HIVEP1: variants seen among roughly 807,000 people sequenced by gnomAD.
The protein encoded by HIVEP1 is HIVEP zinc finger 1.
A neutral mutation model predicts 180.0 loss-of-function variants in HIVEP1; 36 were observed. The ratio of observed to expected loss-of-function variants is 0.20; its 90% CI spans 0.15 to 0.26. The LOEUF is 0.26. Among genes scored for constraint, HIVEP1 ranks in the 10% least tolerant of loss-of-function variants. HIVEP1 has a pLI of 1.00. For missense variants in HIVEP1, 3,143 were observed against 3,268.7 expected, an observed-to-expected ratio of 0.96 and a Z score of 0.94; for synonymous variants, 1,239 against 1,239.0, an observed-to-expected ratio of 1.00 and a Z score of 0.00.
chr6:12,177,212 G>A, the HIVEP1 span, among the ~76,000 whole-genome samples: 1 of 152,108 alleles, frequency 6.6e-6, no homozygotes, highest in Non-Finnish European at 1.5e-5. Flanking sequence ...CAACTATTGA[G>A]TACTAGGCTT....
intron 7 of HIVEP1, among the ~76,000 whole-genome samples, chr6:12,156,139 TG>T (rs1320233604): frequency 2.6e-5 from 4 of 152,220 alleles, no homozygotes; most frequent in African/African-American, 9.7e-5. Flanking sequence ...TTGTAGACTC[TG>T]GACATTAGAC....
chr6:12,117,471 C>A (rs1029047060), intron 3 of HIVEP1, among the ~76,000 whole-genome samples: 20 of 152,260 alleles, frequency 1.3e-4, no homozygotes, highest in African/African-American at 4.3e-4. Flanking sequence ...TTAAGTTTAG[C>A]AATTCCTTTA....
intron 2 of HIVEP1, among the ~76,000 whole-genome samples, chr6:12,045,037 G>A (rs796854216): frequency 5.9e-5 from 9 of 152,326 alleles, no homozygotes; most frequent in African/African-American, 2.2e-4. Context: ...GGGCTTCTGT[G>A]GCTATTTAGA....
chr6:12,040,921 A>G (rs1230790932), intron 2 of HIVEP1, among the ~76,000 whole-genome samples: 1 of 152,170 alleles, frequency 6.6e-6, no homozygotes, highest in Non-Finnish European at 1.5e-5. Context: ...ACCAGATCTC[A>G]GGAGAACTCA....
At position 12,099,146 on chromosome 6, in the gene HIVEP1, C is replaced by T. The variant is rs562397812; in HGVS notation, c.94+9909C>T. Among the ~76,000 whole-genome samples the T allele has an allele frequency of 4.5e-4, 67 of 149,586 alleles. 1 individual carries two copies. The highest frequency in any genetic ancestry group is 1.3e-4 in the Non-Finnish European group (9 of 67,664). ...GCAGACGCTTTGGGAGTCCAGCCCA[C>T]TGTGAAGGAGCAGGAGCCAGAGGGA... On this transcript the variant is annotated intron_variant, in intron 3 of 8. Coordinates refer to ENST00000379388, the MANE Select transcript of HIVEP1 (RefSeq NM_002114.4).
intron 5 of HIVEP1, 78 bp from the exon 6 acceptor site, chr6:12,130,689 G>T: frequency 2.7e-6 from 2 of 748,846 alleles, no homozygotes; most frequent in Admixed American, 2.9e-5. Flanking sequence ...TTTTATCTTT[G>T]GGTTGAATTT....
chr6:12,101,341 G>A (rs1774100047), intron 3 of HIVEP1, among the ~76,000 whole-genome samples: 1 of 152,046 alleles, frequency 6.6e-6, no homozygotes, highest in Non-Finnish European at 1.5e-5. Flanking sequence ...AAAAGACATA[G>A]TTAAGTAATG....
chr6:12,139,870 A>G (rs182978592), intron 7 of HIVEP1, among the ~76,000 whole-genome samples: 115 of 152,372 alleles, frequency 7.5e-4, no homozygotes, highest in African/African-American at 2.7e-3. Context: ...GCAGCTCAGC[A>G]AGGCAGACTG....
chr6:12,057,024 A>G (rs1770928384), intron 2 of HIVEP1, among the ~76,000 whole-genome samples: 1 of 151,930 alleles, frequency 6.6e-6, no homozygotes, highest in Admixed American at 6.6e-5. Context: ...CTTTTTTGGT[A>G]GAGATGGTGT....
chr6:12,122,450 T>C lies in HIVEP1; in HGVS notation c.2655T>C (p.Ala885=), dbSNP rs1757736326. 3.1e-6 allele frequency: 5 copies of C among 1,614,084 alleles called. No homozygotes were observed. The African/African-American group carries it at 4.0e-5, about 13-fold the overall frequency. The part of the protein sequence containing the change: ...YDDVFVSGPN[A]PVPQSGHPRT... ...ATGTCTTTGTATCGGGACCTAACGCTCCTGTGCCCCAGAGTGGGCATCCCC... is the reference window on the plus strand; with the variant it reads ...ATGTCTTTGTATCGGGACCTAACGCCCCTGTGCCCCAGAGTGGGCATCCCC... Residue 885 remains alanine, a synonymous_variant, in exon 4 of 9, where the codon GCT becomes GCC. Transcript: ENST00000379388.
chr6:12,150,508 T>A (rs993405353), intron 7 of HIVEP1, among the ~76,000 whole-genome samples: 4 of 152,312 alleles, frequency 2.6e-5, no homozygotes, highest in African/African-American at 9.6e-5. Flanking sequence ...TAAAAATAAT[T>A]TAGGTGCATT....
In HIVEP1 at chr6:12,012,333, TGGCGGCTGCTG is replaced by T. The variant is rs1369926864; in HGVS notation, c.-330_-320del. On this transcript the variant is annotated 5_prime_UTR_variant, in exon 1 of 9. Transcript: ENST00000379388. The stretch of plus-strand genomic sequence containing the variant: ...GAGCGCCAGTCGCCGGCCTTCAGCG[TGGCGGCTGCTG>T]GGCGGCGGCAGGGTGGCGGACGGAG... The T allele has an allele frequency of 2.0e-5, 3 of 149,360 alleles. No homozygotes were observed. The highest frequency in any genetic ancestry group is 4.4e-5 in the Non-Finnish European group (3 of 67,698). The allele number at this position is 149,360 out of a possible 1,614,324, so 9.3% of individuals were successfully genotyped here. A position where few individuals can be genotyped will look rare whatever the true frequency, so the allele number is the denominator to read the frequency against.
At chr6:12,198,474 A>G in the HIVEP1 span, among the ~76,000 whole-genome samples, 53 of 152,292 alleles carry the variant, frequency 3.5e-4, no homozygotes, top group Admixed American at 3.3e-3. Context: ...TTATTTATTC[A>G]TTCATTCATT....
chr6:12,165,059 A>T, downstream of HIVEP1: 1 of 482,726 alleles, frequency 2.1e-6, no homozygotes, highest in Non-Finnish European at 4.1e-6. Context: ...GCATTTGGAA[A>T]ATAGCCCTGG....
chr6:12,046,845 C>CTCTG (rs1770155790), intron 2 of HIVEP1, among the ~76,000 whole-genome samples: 1 of 141,006 alleles, frequency 7.1e-6, no homozygotes, highest in South Asian at 2.4e-4. Flanking sequence ...TGCCACTACA[C>CTCTG]TGTGTGTGTG....
At chr6:12,018,086 G>A (rs61706528) in intron 2 of HIVEP1, among the ~76,000 whole-genome samples, 10,640 of 152,306 alleles carry the variant, frequency 0.07, 457 homozygotes, top group Middle Eastern at 0.21. Context: ...GCTAAAGCCC[G>A]GCGAGAAATC....
At chr6:12,072,293 ACTTTG>A (rs1772025104) in intron 2 of HIVEP1, among the ~76,000 whole-genome samples, 1 of 152,084 alleles carries the variant, frequency 6.6e-6, no homozygotes. Flanking sequence ...AAATATCATC[ACTTTG>A]CTTTACTTTC....
intron 2 of HIVEP1, among the ~76,000 whole-genome samples, chr6:12,067,099 A>C (rs1169056070): frequency 1.3e-5 from 2 of 152,134 alleles, no homozygotes; most frequent in Admixed American, 6.5e-5. Flanking sequence ...CGTTTAGGGA[A>C]TATATCTCTG....
chr6:12,022,889 A>T (rs772337100), intron 2 of HIVEP1, among the ~76,000 whole-genome samples: 1 of 152,344 alleles, frequency 6.6e-6, no homozygotes, highest in Admixed American at 6.5e-5. Flanking sequence ...ATTTGGGAAT[A>T]TTCTTACCAA....
Sources: gnomAD v4.1 joint callset for allele counts (sites outside exome capture counted in the v4.1 genomes callset) on GRCh38, gnomAD v4.1.1 for gene constraint, MANE v1.5 for transcripts, NCBI Gene and HGNC (gene_info 2026-07-23, HGNC 2026-07-21) for gene names.